PDZRN4: variants seen among roughly 807,000 people sequenced by gnomAD.
The protein encoded by PDZRN4 is PDZ domain containing ring finger 4, also known as PDZ domain-containing RING finger protein 4.
A neutral mutation model predicts 99.0 loss-of-function variants in PDZRN4; 70 were observed. That is an observed-to-expected ratio of 0.71 (90% confidence interval 0.58 to 0.86). The LOEUF (loss-of-function observed/expected upper bound fraction) is 0.86, where lower values mean the gene tolerates loss of function less well. Among genes scored for constraint, PDZRN4 ranks in the 40% least tolerant of loss-of-function variants. The probability of loss-of-function intolerance (pLI) is 0.00; values close to 1 mark genes in which losing one functional copy is unlikely to be tolerated. For synonymous variants in PDZRN4, 551 were observed against 501.6 expected (o/e 1.10, Z -1.32); for missense variants, 1,474 against 1,331.2 (o/e 1.11, Z -1.67).
intron 3 of PDZRN4, among the ~76,000 whole-genome samples, chr12:41,448,059 A>G (rs1244452151): frequency 6.6e-6 from 1 of 152,088 alleles, no homozygotes; most frequent in East Asian, 1.9e-4. Context: ...CATTTTAGTA[A>G]CTTCAGTGAA....
chr12:41,259,270 C>T (rs1354918376), intron 3 of PDZRN4, among the ~76,000 whole-genome samples: 2 of 151,510 alleles, frequency 1.3e-5, no homozygotes, highest in Non-Finnish European at 2.9e-5. Flanking sequence ...AAGGGAAAGA[C>T]AGGAGAAAAT....
At chr12:41,212,428 T>C (rs2120701059) in intron 3 of PDZRN4, among the ~76,000 whole-genome samples, 1 of 152,168 alleles carries the variant, frequency 6.6e-6, no homozygotes, top group South Asian at 2.1e-4. Flanking sequence ...GTCCTCTAAA[T>C]ATGGAAAAGT....
At chr12:41,442,982 A>G (rs187049210) in intron 3 of PDZRN4, among the ~76,000 whole-genome samples, 1 of 152,278 alleles carries the variant, frequency 6.6e-6, no homozygotes, top group Non-Finnish European at 1.5e-5. Context: ...TTAAAATCAG[A>G]ATAACAAGTG....
chr12:41,457,071 T>A (rs185126460), intron 3 of PDZRN4, among the ~76,000 whole-genome samples: 5 of 152,290 alleles, frequency 3.3e-5, no homozygotes, highest in African/African-American at 1.2e-4. Context: ...AATTATACTA[T>A]AGATTTTCTT....
chr12:41,246,707 C>T (rs1451530255), intron 3 of PDZRN4, among the ~76,000 whole-genome samples: 1 of 152,056 alleles, frequency 6.6e-6, no homozygotes, highest in Non-Finnish European at 1.5e-5. Context: ...ATGAACCTTC[C>T]CATTCAGTGG....
intron 3 of PDZRN4, among the ~76,000 whole-genome samples, chr12:41,360,794 T>C (rs2121057604): frequency 6.6e-6 from 1 of 152,174 alleles, no homozygotes; most frequent in East Asian, 1.9e-4. Flanking sequence ...ATGGAAAAGT[T>C]GCCATCTGAA....
At chr12:41,441,121 A>G (rs1010056971) in intron 3 of PDZRN4, among the ~76,000 whole-genome samples, 6 of 152,166 alleles carry the variant, frequency 3.9e-5, no homozygotes, top group African/African-American at 1.2e-4. Flanking sequence ...GTGTCCAATA[A>G]TGTGTTAAAA....
chr12:41,573,603 A>G lies in PDZRN4; in HGVS notation c.2824A>G (p.Ser942Gly). 6.2e-7 allele frequency: 1 copy of G among 1,614,026 alleles called. No individual in the cohort carries two copies. Among genetic ancestry groups the G allele is most frequent in the Non-Finnish European group, 8.5e-7 (1 of 1,179,994 alleles). ...MSEMKMGRYW[S>G]KEERKQHLVR... is the part of the protein sequence containing the mutation. ...CGAGATGAAAATGGGGCGCTACTGG[A>G]GCAAAGAGGAGAGAAAGCAGCACCT... The change falls in exon 10 of 10, where the codon AGC becomes GGC. Residue 942 changes from serine (S) to glycine (G), a missense_variant. Coordinates refer to ENST00000402685, the MANE Select transcript of PDZRN4 (RefSeq NM_001164595.2).
At chr12:41,490,433 C>T (rs550662821) in intron 3 of PDZRN4, among the ~76,000 whole-genome samples, 14 of 152,008 alleles carry the variant, frequency 9.2e-5, no homozygotes, top group African/African-American at 3.4e-4. Flanking sequence ...CTAAATGGGC[C>T]GTAATTATTT....
rs537759318 is a variant in PDZRN4, at chr12:41,537,585, A to C, written c.1204-15071A>C. ...AATGTTGTTTGAGATCAGATTACAG[A>C]GGGCCTATAGTGTCAATCTGAGGAG... On this transcript the variant is annotated intron_variant, in intron 5 of 9. Transcript: ENST00000402685. 7.2e-5 allele frequency among the ~76,000 whole-genome samples: 11 copies of C among 152,276 alleles called. No homozygotes were observed. In the East Asian group the frequency reaches 1.9e-3, roughly 27 times the overall value.
intron 3 of PDZRN4, among the ~76,000 whole-genome samples, chr12:41,454,542 G>A (rs1452050068): frequency 1.3e-5 from 2 of 152,220 alleles, no homozygotes; most frequent in African/African-American, 4.8e-5. Context: ...AATACCCAGG[G>A]ATCTTTGGGG....
chr12:41,361,989 C>T (rs1176519875), intron 3 of PDZRN4, among the ~76,000 whole-genome samples: 1 of 151,970 alleles, frequency 6.6e-6, no homozygotes, highest in Non-Finnish European at 1.5e-5. Context: ...TCAGAACCAG[C>T]TGTGTGCTTG....
At chr12:41,286,882 A>G (rs1951426062) in intron 3 of PDZRN4, among the ~76,000 whole-genome samples, 1 of 152,196 alleles carries the variant, frequency 6.6e-6, no homozygotes, top group Non-Finnish European at 1.5e-5. Flanking sequence ...TTCTATGTTA[A>G]TCATTTAATT....
At chr12:41,416,532 C>T (rs1237095583) in intron 3 of PDZRN4, among the ~76,000 whole-genome samples, 1 of 152,022 alleles carries the variant, frequency 6.6e-6, no homozygotes, top group East Asian at 1.9e-4. Context: ...ACCTGTAATC[C>T]TATTCAGGAG....
At chr12:41,379,229 G>T (rs1952104170) in intron 3 of PDZRN4, among the ~76,000 whole-genome samples, 1 of 143,438 alleles carries the variant, frequency 7.0e-6, no homozygotes, top group African/African-American at 2.5e-5. Context: ...GTATTTATTT[G>T]AGTCTTCTGT....
chr12:41,478,187 C>T (rs919243312), intron 3 of PDZRN4, among the ~76,000 whole-genome samples: 24 of 152,154 alleles, frequency 1.6e-4, no homozygotes, highest in African/African-American at 5.1e-4. Flanking sequence ...GCAATCTCGG[C>T]TCACTGCAAC....
At chr12:41,228,648 G>A (rs765497168) in intron 3 of PDZRN4, among the ~76,000 whole-genome samples, 2 of 152,080 alleles carry the variant, frequency 1.3e-5, no homozygotes, top group Non-Finnish European at 2.9e-5. Flanking sequence ...AGGCTACCAT[G>A]CTCTGAGTTT....
intron 3 of PDZRN4, among the ~76,000 whole-genome samples, chr12:41,359,786 T>C (rs778358517): frequency 6.6e-5 from 10 of 151,984 alleles, no homozygotes; most frequent in Non-Finnish European, 1.0e-4. Context: ...CTTGAGTATG[T>C]CTTTATTAGC....
rs377131359 is a variant in PDZRN4 at position 41,349,306 on chromosome 12, C to G, written c.843+155118C>G. Among the ~76,000 whole-genome samples the G allele has an allele frequency of 5.7e-4, 86 of 151,738 alleles. No individual in the cohort carries two copies. The South Asian group carries it at 0.012, about 22-fold the overall frequency. On this transcript the variant is annotated intron_variant, in intron 3 of 9. Transcript: ENST00000402685. Reference sequence around the variant, plus strand: ...AGGGGAATTTCCACTACAATTTAGTCAAGTGAAATACTTTATATATACTAG... The same window carrying G: ...AGGGGAATTTCCACTACAATTTAGTGAAGTGAAATACTTTATATATACTAG...
Sources: allele counts gnomAD v4.1 joint callset (sites outside exome capture counted in the v4.1 genomes callset), GRCh38; gene constraint gnomAD v4.1.1; transcripts MANE v1.5; gene names NCBI Gene and HGNC (gene_info 2026-07-23, HGNC 2026-07-21).